SLC25A24: variants seen among roughly 807,000 people sequenced by gnomAD.
SLC25A24 encodes mitochondrial adenyl nucleotide antiporter SLC25A24.
Under a neutral mutation model 60.7 loss-of-function variants are expected in SLC25A24, and 49 were observed. The observed-to-expected ratio is 0.81, with a 90% CI of 0.64 to 1.02. SLC25A24 has a LOEUF of 1.02. Among genes scored for constraint, SLC25A24 ranks in the 50% least tolerant of loss-of-function variants. The pLI is 0.00. For synonymous variants in SLC25A24, 202 were observed against 200.6 expected (o/e 1.01, Z -0.06); for missense variants, 564 against 586.3 (o/e 0.96, Z 0.39).
intron 1 of SLC25A24, among the ~76,000 whole-genome samples, chr1:108,186,793 T>C (rs1006896713): frequency 9.2e-5 from 14 of 151,894 alleles, no homozygotes; most frequent in African/African-American, 2.9e-4. Context: ...TAATGCCAAG[T>C]TGGGCCGGGC....
intron 3 of SLC25A24, among the ~76,000 whole-genome samples, chr1:108,176,882 A>G (rs1046964088): frequency 6.6e-6 from 1 of 152,220 alleles, no homozygotes; most frequent in African/African-American, 2.4e-5. Flanking sequence ...GGAGCTCCTC[A>G]AGCTGAAAGA....
intron 3 of SLC25A24, among the ~76,000 whole-genome samples, chr1:108,167,455 T>C (rs924375513): frequency 2.0e-5 from 3 of 152,182 alleles, no homozygotes; most frequent in Non-Finnish European, 4.4e-5. Context: ...TCCGTGGGTG[T>C]AGGACCCTCC....
Position 108,136,599 on chromosome 1 carries a change from A to C in SLC25A24, c.*54T>G. 1 of 1,452,978 alleles carries C rather than the reference A, an allele frequency of 6.9e-7. No individual in the cohort carries two copies. Among genetic ancestry groups the C allele is most frequent in the South Asian group, 1.2e-5 (1 of 81,042 alleles). The allele number at this position is 1,452,978 out of a possible 1,614,324, so 90.0% of individuals were successfully genotyped here. On this transcript the variant is annotated 3_prime_UTR_variant, in exon 10 of 10. Transcript: ENST00000565488. ...TGTTTCAATTCGAGGAGAAAAAGTC[A>C]CTCCAGAGATTGTTGAAAGTTTCAA...
rs1010577634 is a variant in SLC25A24 at position 108,134,504 on chromosome 1, G to C, written c.*2149C>G. The C allele has an allele frequency of 5.9e-5, 9 of 152,108 alleles. No individual in the cohort carries two copies. The highest frequency in any genetic ancestry group is 1.2e-4 in the Non-Finnish European group (8 of 68,026). The allele number at this position is 152,108 out of a possible 1,614,324, so 9.4% of individuals were successfully genotyped here. ...GAGCCTGGCCAATCCTGAGGCTCTG[G>C]GTCCCCCTTGGTACTGTGAACCCCA... On this transcript the variant is annotated 3_prime_UTR_variant, in exon 10 of 10. Transcript: ENST00000565488.
chr1:108,147,554 A>G (rs1029833505), intron 7 of SLC25A24, among the ~76,000 whole-genome samples: 1 of 152,168 alleles, frequency 6.6e-6, no homozygotes, highest in Non-Finnish European at 1.5e-5. Context: ...CCCACTTTTT[A>G]AAAATGTAAA....
At chr1:108,187,927 G>GATAGATAGATAGATATAT in intron 1 of SLC25A24, among the ~76,000 whole-genome samples, 17 of 95,732 alleles carry the variant, frequency 1.8e-4, no homozygotes, top group Non-Finnish European at 2.1e-4. Context: ...AGACATTATA[G>GATAGATAGATAGATATAT]ATATATATAT....
In SLC25A24 at chr1:108,192,727, G is replaced by A. The variant is rs1648383972; in HGVS notation, c.184-6773C>T. On this transcript the variant is annotated intron_variant, in intron 1 of 9. Transcript: ENST00000565488. ...CCACCACACACGTCCAGTGGGAAGA[G>A]GCCTAAGACAGCATCCTCCTCAGGG... 5.7e-6 allele frequency: 8 copies of A among 1,407,560 alleles called. 2 individuals carry two copies. Among genetic ancestry groups the A allele is most frequent in the Non-Finnish European group, 7.5e-6 (8 of 1,069,482 alleles). The allele number at this position is 1,407,560 out of a possible 1,614,324, so 87.2% of individuals were successfully genotyped here. A position where few individuals can be genotyped will look rare whatever the true frequency, so the allele number is the denominator to read the frequency against.
intron 3 of SLC25A24, among the ~76,000 whole-genome samples, chr1:108,169,202 G>T (rs1647356597): frequency 6.6e-6 from 1 of 152,118 alleles, no homozygotes; most frequent in East Asian, 1.9e-4. Flanking sequence ...GCACTGACTT[G>T]GTTATGGCTT....
chr1:108,141,337 A>C (rs1334017973), intron 8 of SLC25A24, among the ~76,000 whole-genome samples: 1 of 152,214 alleles, frequency 6.6e-6, no homozygotes, highest in East Asian at 1.9e-4. Flanking sequence ...CAGCAATAGT[A>C]GTAGACCACC....
intron 2 of SLC25A24, among the ~76,000 whole-genome samples, chr1:108,185,324 C>T (rs979206607): frequency 9.2e-5 from 14 of 152,188 alleles, no homozygotes; most frequent in South Asian, 8.3e-4. Flanking sequence ...CACACTTAAA[C>T]GTTTATATGC....
intron 3 of SLC25A24, among the ~76,000 whole-genome samples, chr1:108,166,917 T>C (rs1680271974): frequency 6.6e-6 from 1 of 151,674 alleles, no homozygotes; most frequent in Non-Finnish European, 1.5e-5. Flanking sequence ...CCCATCTTTG[T>C]GGTTTTATCT....
chr1:108,192,439 C>A, intron 1 of SLC25A24: 1 of 1,297,768 alleles, frequency 7.7e-7, no homozygotes, highest in African/African-American at 1.4e-5. Flanking sequence ...CTGCCCAATG[C>A]CTCTCCAGGG....
At chr1:108,173,603 G>C (rs1483409896) in intron 3 of SLC25A24, among the ~76,000 whole-genome samples, 1 of 152,158 alleles carries the variant, frequency 6.6e-6, no homozygotes, top group African/African-American at 2.4e-5. Context: ...CAAAAATATG[G>C]AACTGACTTT....
chr1:108,139,233 T>G (rs771970654), intron 8 of SLC25A24, 25 bp from the exon 9 acceptor site: 6 of 1,574,202 alleles, frequency 3.8e-6, no homozygotes, highest in Non-Finnish European at 5.2e-6. Flanking sequence ...AAGAAGAAAA[T>G]AATTAACGAA....
rs367825460 is a variant in SLC25A24 at position 108,159,356 on chromosome 1, A to G, written c.511-1736T>C. On this transcript the variant is annotated intron_variant, in intron 4 of 9. Transcript: ENST00000565488. ...AAAAGTAAAAGCCTACAACTTTTAC[A>G]CTTCCCTATGGCAGAATACTTAAAT... is the stretch of plus-strand genomic sequence containing the variant. Among the ~76,000 whole-genome samples, 13 of 152,326 alleles carry G rather than the reference A, an allele frequency of 8.5e-5. No individual in the cohort carries two copies. In the East Asian group the frequency reaches 2.5e-3, roughly 29 times the overall value.
At position 108,137,265 on chromosome 1, in the gene SLC25A24, C is replaced by T. The variant is rs76134157; in HGVS notation, c.1250-428G>A. Among the ~76,000 whole-genome samples, 107 of 152,208 alleles carry T rather than the reference C, an allele frequency of 7.0e-4. No homozygotes were observed. The East Asian group carries it at 0.015, about 22-fold the overall frequency. On this transcript the variant is annotated intron_variant, in intron 9 of 9. Coordinates refer to ENST00000565488, the MANE Select transcript of SLC25A24 (RefSeq NM_013386.5). ...CACCACCCCACAGTGCTGCTGCTGC[C>T]TCCTTCTTACTAGACAAGCGCTGAA... is the stretch of plus-strand genomic sequence containing the variant.
intron 3 of SLC25A24, among the ~76,000 whole-genome samples, chr1:108,174,169 G>A (rs1647583117): frequency 6.6e-6 from 1 of 152,190 alleles, no homozygotes; most frequent in Admixed American, 6.5e-5. Flanking sequence ...GAGGTCTTCA[G>A]GAAGGGCCCT....
Position 108,181,966 on chromosome 1 carries a change from G to A in SLC25A24, c.373C>T (p.Gln125Ter), listed in dbSNP as rs143444253. Reference protein sequence around the residue: ...LQTLGLTISEQQAELILQSID... With the variant: ...LQTLGLTISE ...CTTTGAAGAATCAACTCTGCTTGTTGTTCAGAAATAGTCAGACCCAGTGTC... is the reference window on the plus strand; with the variant it reads ...CTTTGAAGAATCAACTCTGCTTGTTATTCAGAAATAGTCAGACCCAGTGTC... Residue 125 changes from glutamine (Q) to a stop codon, truncating the protein, a stop_gained, in exon 3 of 10, where the codon CAA becomes TAA. Coordinates refer to ENST00000565488, the MANE Select transcript of SLC25A24 (RefSeq NM_013386.5). LOFTEE classifies it high-confidence loss of function. 7 of 1,611,942 alleles carry A rather than the reference G, an allele frequency of 4.3e-6. No homozygotes were observed. The African/African-American group carries it at 8.0e-5, about 18-fold the overall frequency.
intron 6 of SLC25A24, among the ~76,000 whole-genome samples, chr1:108,154,331 A>G (rs1679831266): frequency 6.6e-6 from 1 of 152,188 alleles, no homozygotes; most frequent in Admixed American, 6.5e-5. Context: ...GCTAATGACC[A>G]TAAAGAGAAC....
Sources: allele counts gnomAD v4.1 joint callset (sites outside exome capture counted in the v4.1 genomes callset), GRCh38; gene constraint gnomAD v4.1.1; transcripts MANE v1.5; gene names NCBI Gene and HGNC (gene_info 2026-07-23, HGNC 2026-07-21).